The following GTF2IRD1 variants were observed in gnomAD, a reference collection of about 807,000 sequenced individuals.
GTF2IRD1 encodes the protein general transcription factor II-I repeat domain-containing protein 1.
Under a neutral mutation model 113.2 loss-of-function variants are expected in GTF2IRD1, and 26 were observed. The observed-to-expected ratio is 0.23, with a 90% CI of 0.17 to 0.32. GTF2IRD1 has a LOEUF of 0.32. Ranked by LOEUF, GTF2IRD1 falls within the 10% of genes least tolerant of loss-of-function variation. The pLI, the probability that GTF2IRD1 is intolerant of heterozygous loss-of-function variation, is 1.00. For synonymous variants in GTF2IRD1, 484 were observed against 529.1 expected (o/e 0.91, Z 1.17); for missense variants, 864 against 1,280.8 (o/e 0.67, Z 4.97).
chr7:74,530,787 CA>C (rs1797921314), intron 9 of GTF2IRD1, among the ~76,000 whole-genome samples: 1 of 152,094 alleles, frequency 6.6e-6, no homozygotes, highest in Non-Finnish European at 1.5e-5. Flanking sequence ...TGCATCGGTG[CA>C]CCTGAAGACA....
At position 74,572,322 on chromosome 7, in the gene GTF2IRD1, ACTATCTCTGATCTTGGATAAGTTAACTTG is replaced by A. The variant is rs1242384861; in HGVS notation, c.2320+12700_2320+12728del. The stretch of plus-strand genomic sequence containing the variant: ...TGTGTGATCTTGGATAAGTTAACCT[ACTATCTCTGATCTTGGATAAGTTAACTTG>A]CTATCTCTGATCTTGGATAAGTTAA... On this transcript the variant is annotated intron_variant, in intron 22 of 26. Coordinates refer to ENST00000424337, the MANE Select transcript of GTF2IRD1 (RefSeq NM_005685.4). Among the ~76,000 whole-genome samples the A allele has an allele frequency of 3.6e-4, 55 of 152,230 alleles. 1 individual carries two copies. The South Asian group carries it at 0.01, about 29-fold the overall frequency.
intron 16 of GTF2IRD1, 80 bp from the exon 17 acceptor site, chr7:74,547,023 C>T (rs1156231128): frequency 2.1e-5 from 28 of 1,340,846 alleles, no homozygotes; most frequent in South Asian, 5.2e-5. Context: ...CTTTGCCCCC[C>T]GACACAGGCA....
chr7:74,594,396 A>G (rs1189044576), intron 24 of GTF2IRD1, among the ~76,000 whole-genome samples: 51 of 151,888 alleles, frequency 3.4e-4, no homozygotes, highest in Admixed American at 3.4e-3. Flanking sequence ...AATAATTGAT[A>G]ATAATGCTGT....
intron 22 of GTF2IRD1, among the ~76,000 whole-genome samples, chr7:74,587,615 G>A (rs1362524698): frequency 6.6e-6 from 1 of 151,900 alleles, no homozygotes; most frequent in Non-Finnish European, 1.5e-5. Flanking sequence ...GTGACCCCAC[G>A]CTTCTCAGAG....
At chr7:74,566,215 A>T (rs1399314376) in intron 22 of GTF2IRD1, among the ~76,000 whole-genome samples, 2 of 152,176 alleles carry the variant, frequency 1.3e-5, no homozygotes, top group Admixed American at 1.3e-4. Context: ...TAACCTTAAA[A>T]CATAAACATG....
At chr7:74,584,538 A>G (rs1801607791) in intron 22 of GTF2IRD1, among the ~76,000 whole-genome samples, 2 of 152,182 alleles carry the variant, frequency 1.3e-5, no homozygotes, top group African/African-American at 4.8e-5. Context: ...AAGTAAATAG[A>G]GTAGAGGAAG....
chr7:74,528,585 G>A (rs73135372), intron 8 of GTF2IRD1, among the ~76,000 whole-genome samples: 4,035 of 151,692 alleles, frequency 0.027, 92 homozygotes, highest in East Asian at 0.08. Flanking sequence ...GTGATGACCA[G>A]TGGATGACAG....
intron 1 of GTF2IRD1, among the ~76,000 whole-genome samples, chr7:74,503,166 C>CA (rs10626336): frequency 0.072 from 10,068 of 140,790 alleles, 996 homozygotes; most frequent in African/African-American, 0.22. Context: ...GACTCCATCT[C>CA]AAAAAAAAAA....
chr7:74,570,575 G>A lies in GTF2IRD1; in HGVS notation c.2320+10920G>A, dbSNP rs191780466. On this transcript the variant is annotated intron_variant, in intron 22 of 26. Transcript: ENST00000424337. Reference sequence around the variant, plus strand: ...AGGCTGAGGAGGGAGGATCGCTTGAGCCCAGGAAGTCAAAGCTGCAGTAAG... The same window carrying A: ...AGGCTGAGGAGGGAGGATCGCTTGAACCCAGGAAGTCAAAGCTGCAGTAAG... 1.8e-4 allele frequency among the ~76,000 whole-genome samples: 27 copies of A among 151,812 alleles called. No homozygotes were observed. The East Asian group carries it at 5.1e-3, about 28-fold the overall frequency.
intron 1 of GTF2IRD1, among the ~76,000 whole-genome samples, chr7:74,479,170 T>C (rs1392896373): frequency 6.6e-6 from 1 of 152,094 alleles, no homozygotes; most frequent in Non-Finnish European, 1.5e-5. Context: ...CGACAGTTCC[T>C]CCGCCGTAGC....
intron 22 of GTF2IRD1, among the ~76,000 whole-genome samples, chr7:74,562,457 A>G (rs141378925): frequency 6.6e-6 from 1 of 151,690 alleles, no homozygotes; most frequent in South Asian, 2.1e-4. Context: ...CTTACCGCCA[A>G]GATGGACAAG....
At chr7:74,533,967 T>A (rs1249367042) in intron 9 of GTF2IRD1, among the ~76,000 whole-genome samples, 12 of 151,438 alleles carry the variant, frequency 7.9e-5, no homozygotes, top group African/African-American at 2.9e-4. Flanking sequence ...AGTTCAAGTC[T>A]GCAGTGAGCT....
intron 22 of GTF2IRD1, among the ~76,000 whole-genome samples, chr7:74,574,233 C>G (rs919922190): frequency 2.7e-5 from 4 of 149,980 alleles, no homozygotes; most frequent in Non-Finnish European, 5.9e-5. Context: ...AACTCCTGAC[C>G]TCAGGTGATC....
At chr7:74,575,105 C>A (rs201110988) in intron 22 of GTF2IRD1, among the ~76,000 whole-genome samples, 15 of 152,062 alleles carry the variant, frequency 9.9e-5, no homozygotes, top group Admixed American at 2.6e-4. Context: ...TACAAAAAAA[C>A]AAAAAAAACC....
intron 22 of GTF2IRD1, among the ~76,000 whole-genome samples, chr7:74,572,824 A>G (rs1165343095): frequency 6.6e-6 from 1 of 152,126 alleles, no homozygotes; most frequent in Non-Finnish European, 1.5e-5. Flanking sequence ...TTTGTTAATT[A>G]GGGTTCAGTA....
At position 74,524,305 on chromosome 7, in the gene GTF2IRD1, C is replaced by A. The variant is rs587707143; in HGVS notation, c.1090+151C>A. 2.0e-4 allele frequency: 123 copies of A among 606,814 alleles called. 1 individual carries two copies. The highest frequency in any genetic ancestry group is 3.2e-4 in the Non-Finnish European group (110 of 341,978). The allele number at this position is 606,814 out of a possible 1,614,324, so 37.6% of individuals were successfully genotyped here. A position where few individuals can be genotyped will look rare whatever the true frequency, so the allele number is the denominator to read the frequency against. Reference sequence around the variant, plus strand: ...CGCTAATGTCATCCGTCGCGGGCTCCTCCTGTCTGGGTAGGGGGTGGTTGT... The same window carrying A: ...CGCTAATGTCATCCGTCGCGGGCTCATCCTGTCTGGGTAGGGGGTGGTTGT... On this transcript the variant is annotated intron_variant, in intron 8 of 26. Transcript: ENST00000424337.
chr7:74,529,669 T>C, intron 8 of GTF2IRD1, 65 bp from the exon 9 acceptor site: 1 of 1,440,992 alleles, frequency 6.9e-7, no homozygotes, highest in Non-Finnish European at 9.6e-7. Flanking sequence ...GGACCGCAGC[T>C]CCCGGGTCCT....
intron 25 of GTF2IRD1, among the ~76,000 whole-genome samples, chr7:74,599,702 G>C (rs587640294): frequency 1.8e-4 from 28 of 152,242 alleles, no homozygotes; most frequent in African/African-American, 6.7e-4. Context: ...TTTTGGTAGA[G>C]ACAGGGTTTC....
At chr7:74,525,894 G>A (rs587635602) in intron 8 of GTF2IRD1, among the ~76,000 whole-genome samples, 5 of 152,306 alleles carry the variant, frequency 3.3e-5, no homozygotes, top group East Asian at 3.9e-4. Flanking sequence ...TTGTGACCAC[G>A]TCTGGGGCAG....
Sources: allele counts gnomAD v4.1 joint callset (sites outside exome capture counted in the v4.1 genomes callset), GRCh38; gene constraint gnomAD v4.1.1; transcripts MANE v1.5; gene names NCBI Gene and HGNC (gene_info 2026-07-23, HGNC 2026-07-21).